Variants in NKAIN2 observed in about 807,000 individuals in gnomAD.
NKAIN2 encodes the protein sodium/potassium transporting ATPase interacting 2.
NKAIN2 carries 14 observed loss-of-function variants against 32.6 expected under a neutral mutation model. The ratio of observed to expected loss-of-function variants is 0.43; its 90% confidence interval spans 0.28 to 0.67. The LOEUF is 0.67. Among genes scored for constraint, NKAIN2 ranks in the 30% least tolerant of loss-of-function variants. NKAIN2 has a pLI of 0.17. For synonymous variants in NKAIN2, 80 were observed against 87.2 expected, an observed-to-expected ratio of 0.92 and a Z score of 0.46; for missense variants, 198 against 258.3, an observed-to-expected ratio of 0.77 and a Z score of 1.60.
chr6:123,983,548 C>T (rs1778994542), intron 1 of NKAIN2, among the ~76,000 whole-genome samples: 1 of 152,108 alleles, frequency 6.6e-6, no homozygotes, highest in South Asian at 2.1e-4. Context: ...TATCTGTTGA[C>T]ATTTTCCATA....
At chr6:124,646,580 GCAA>G (rs1052789942) in intron 3 of NKAIN2, among the ~76,000 whole-genome samples, 2 of 152,120 alleles carry the variant, frequency 1.3e-5, no homozygotes, top group Non-Finnish European at 2.9e-5. Flanking sequence ...ATGAAAAACA[GCAA>G]CAACAACAAC....
chr6:124,729,864 T>C (rs373828492), intron 4 of NKAIN2, among the ~76,000 whole-genome samples: 15 of 151,610 alleles, frequency 9.9e-5, no homozygotes, highest in African/African-American at 2.4e-4. Context: ...AGCAAAGTCT[T>C]AGGATACAAA....
At chr6:124,272,539 A>T (rs1198476363) in intron 1 of NKAIN2, among the ~76,000 whole-genome samples, 3 of 152,176 alleles carry the variant, frequency 2.0e-5, no homozygotes, top group African/African-American at 4.8e-5. Flanking sequence ...TGCTGCAGAG[A>T]TGGAGCCATC....
chr6:123,857,571 C>T (rs1227372896), intron 1 of NKAIN2, among the ~76,000 whole-genome samples: 1 of 152,058 alleles, frequency 6.6e-6, no homozygotes, highest in Non-Finnish European at 1.5e-5. Flanking sequence ...AACCAGAGCC[C>T]ATTGTCTTAC....
chr6:124,101,682 C>T (rs1395119670), intron 1 of NKAIN2, among the ~76,000 whole-genome samples: 1 of 151,880 alleles, frequency 6.6e-6, no homozygotes, highest in Non-Finnish European at 1.5e-5. Context: ...GAGATGAGAG[C>T]GCTTGGAATG....
intron 1 of NKAIN2, among the ~76,000 whole-genome samples, chr6:124,033,429 A>G (rs542144257): frequency 3.0e-4 from 46 of 152,290 alleles, no homozygotes; most frequent in African/African-American, 1.1e-3. Flanking sequence ...TAGGGGGAAG[A>G]AAGCTAACTA....
At chr6:123,975,907 C>T (rs1219859914) in intron 1 of NKAIN2, among the ~76,000 whole-genome samples, 1 of 152,034 alleles carries the variant, frequency 6.6e-6, no homozygotes, top group Non-Finnish European at 1.5e-5. Context: ...GTAGCTCACA[C>T]AATTCCTACA....
intron 4 of NKAIN2, among the ~76,000 whole-genome samples, chr6:124,733,016 T>C (rs1421317082): frequency 6.6e-6 from 1 of 151,802 alleles, no homozygotes; most frequent in East Asian, 1.9e-4. Context: ...CAAAAAAAAG[T>C]GGATGGACCT....
chr6:123,934,559 C>T (rs1471316148), intron 1 of NKAIN2, among the ~76,000 whole-genome samples: 3 of 152,078 alleles, frequency 2.0e-5, no homozygotes, highest in East Asian at 1.9e-4. Context: ...TTCTTCCTCA[C>T]TAGACTCAGG....
At chr6:124,682,347 A>G (rs1035938428) in intron 4 of NKAIN2, among the ~76,000 whole-genome samples, 8 of 152,180 alleles carry the variant, frequency 5.3e-5, no homozygotes, top group Admixed American at 3.9e-4. Flanking sequence ...TATCTGAAAA[A>G]GATGCTGGCA....
chr6:124,049,508 G>A (rs958912898), intron 1 of NKAIN2, among the ~76,000 whole-genome samples: 36 of 152,040 alleles, frequency 2.4e-4, no homozygotes, highest in African/African-American at 7.5e-4. Flanking sequence ...TTTATCACTC[G>A]GTCCACGATG....
chr6:123,936,753 C>T (rs1016671284), intron 1 of NKAIN2, among the ~76,000 whole-genome samples: 1 of 152,054 alleles, frequency 6.6e-6, no homozygotes, highest in Non-Finnish European at 1.5e-5. Context: ...GATTTACCTC[C>T]ACAAATTGCA....
At chr6:123,939,831 G>A (rs1462784246) in intron 1 of NKAIN2, among the ~76,000 whole-genome samples, 2 of 151,902 alleles carry the variant, frequency 1.3e-5, no homozygotes, top group East Asian at 3.9e-4. Context: ...TTGCAAGTGT[G>A]TGTTGTCCCA....
chr6:124,162,120 C>A (rs1788311512), intron 1 of NKAIN2, among the ~76,000 whole-genome samples: 1 of 152,038 alleles, frequency 6.6e-6, no homozygotes, highest in South Asian at 2.1e-4. Context: ...TTGTATCACT[C>A]ATTTGATTTC....
chr6:124,617,482 T>C (rs1395763883), intron 3 of NKAIN2, among the ~76,000 whole-genome samples: 1 of 152,322 alleles, frequency 6.6e-6, no homozygotes, highest in South Asian at 2.1e-4. Context: ...AAATAGCATA[T>C]CCACAAAGAA....
At chr6:123,840,159 T>G (rs1046324101) in intron 1 of NKAIN2, among the ~76,000 whole-genome samples, 1 of 152,110 alleles carries the variant, frequency 6.6e-6, no homozygotes, top group Non-Finnish European at 1.5e-5. Flanking sequence ...GCTTTATGTT[T>G]ATGTGCATGT....
chr6:124,642,012 G>C (rs1784011974), intron 3 of NKAIN2, among the ~76,000 whole-genome samples: 1 of 152,030 alleles, frequency 6.6e-6, no homozygotes, highest in African/African-American at 2.4e-5. Context: ...CCCTAGCTAT[G>C]GTGTCATATT....
At chr6:124,127,788 C>T (rs1374773635) in intron 1 of NKAIN2, among the ~76,000 whole-genome samples, 2 of 151,908 alleles carry the variant, frequency 1.3e-5, no homozygotes, top group Non-Finnish European at 2.9e-5. Flanking sequence ...CAGGAGGAGA[C>T]AGAAGGCCCC....
intron 3 of NKAIN2, among the ~76,000 whole-genome samples, chr6:124,374,564 C>T (rs1258319651): frequency 6.6e-6 from 1 of 152,088 alleles, no homozygotes; most frequent in Non-Finnish European, 1.5e-5. Flanking sequence ...ATTCAGAGAC[C>T]TGACTAGCGA....
Sources: gnomAD v4.1 joint callset for allele counts (sites outside exome capture counted in the v4.1 genomes callset) on GRCh38, gnomAD v4.1.1 for gene constraint, MANE v1.5 for transcripts, NCBI Gene and HGNC (gene_info 2026-07-23, HGNC 2026-07-21) for gene names.